MYCBP2: variants seen among roughly 807,000 people sequenced by gnomAD.
MYCBP2 encodes MYC binding protein 2.
In MYCBP2, 120 loss-of-function variants were observed where a neutral mutation model predicts 525.3. That is an observed-to-expected ratio of 0.23 (90% CI 0.20 to 0.27). The LOEUF (loss-of-function observed/expected upper bound fraction) is 0.27, where lower values mean the gene tolerates loss of function less well. Ranked by LOEUF, MYCBP2 falls within the 10% of genes least tolerant of loss-of-function variation. The probability of loss-of-function intolerance (pLI) is 1.00; values close to 1 mark genes in which losing one functional copy is unlikely to be tolerated. For missense variants in MYCBP2, 4,149 were observed against 5,657.1 expected (o/e 0.73, Z 8.55); for synonymous variants, 1,894 against 1,955.8 (o/e 0.97, Z 0.83).
In MYCBP2 at chr13:77,206,654, TA is replaced by T; in HGVS notation, c.3587del (p.Leu1196Ter). On this transcript the variant is annotated frameshift_variant and splice_region_variant, in exon 24 of 83. Transcript: ENST00000544440. LOFTEE classifies it high-confidence loss of function. ...TTRSHAALHI[L>X]GCLDTLAAMQ... Reference sequence around the variant, plus strand: ...TGGTACATCAAATCGCAACCCTACCTAAAATGTGCAAAGCTGCATGAGATCG... The same window carrying T: ...TGGTACATCAAATCGCAACCCTACCTAAATGTGCAAAGCTGCATGAGATCG... The T allele has an allele frequency of 6.3e-7, 1 of 1,576,378 alleles. No individual in the cohort carries two copies. The highest frequency in any genetic ancestry group is 8.6e-7 in the Non-Finnish European group (1 of 1,160,512).
intron 26 of MYCBP2, among the ~76,000 whole-genome samples, chr13:77,200,320 A>G (rs1394582903): frequency 6.6e-6 from 1 of 152,204 alleles, no homozygotes; most frequent in Non-Finnish European, 1.5e-5. Context: ...AATGAAGTGA[A>G]GCGAGAAGGG....
intron 1 of MYCBP2, among the ~76,000 whole-genome samples, chr13:77,311,306 C>T (rs2080173893): frequency 6.6e-6 from 1 of 152,124 alleles, no homozygotes; most frequent in African/African-American, 2.4e-5. Flanking sequence ...TTATAATAAA[C>T]CCTAGAGTTT....
intron 1 of MYCBP2, 91 bp from the exon 2 acceptor site, chr13:77,296,765 T>C: frequency 9.8e-7 from 1 of 1,015,732 alleles, no homozygotes. Context: ...AAAGTAGACA[T>C]TTGGATCTTT....
At chr13:77,251,775 C>G (rs1038826604) in intron 14 of MYCBP2, among the ~76,000 whole-genome samples, 1 of 152,202 alleles carries the variant, frequency 6.6e-6, no homozygotes, top group Non-Finnish European at 1.5e-5. Flanking sequence ...TCATAATTTA[C>G]AAACCTCCAG....
At chr13:77,313,090 T>C (rs2080470698) in intron 1 of MYCBP2, among the ~76,000 whole-genome samples, 1 of 152,094 alleles carries the variant, frequency 6.6e-6, no homozygotes, top group African/African-American at 2.4e-5. Context: ...AACAATAATA[T>C]ATTAATATGT....
In MYCBP2 at chr13:77,181,906, T is replaced by C. The variant is rs961128482; in HGVS notation, c.4736A>G (p.Asn1579Ser). The change falls in exon 33 of 83, where the codon AAC becomes AGC. Residue 1579 changes from asparagine to serine, a missense_variant. Transcript: ENST00000544440. Reference sequence around the variant, plus strand: ...GAGTCGGCTACTTGATGTCTTGAAGTTTGCTTCTTGGATATCCTTTTAAAA... The same window carrying C: ...GAGTCGGCTACTTGATGTCTTGAAGCTTGCTTCTTGGATATCCTTTTAAAA... ...NCLDQDIQEA[N>S]FKTSSSRLLA... The C allele has an allele frequency of 6.2e-7, 1 of 1,613,522 alleles. No individual in the cohort carries two copies. Among genetic ancestry groups the C allele is most frequent in the Non-Finnish European group, 8.5e-7 (1 of 1,179,916 alleles).
rs144530761 is a variant in MYCBP2 at position 77,217,000 on chromosome 13, C to T, written c.3057+840G>A. On this transcript the variant is annotated intron_variant, in intron 21 of 82. Transcript: ENST00000544440. ...GCGTGTGTGAGAAAGAGAACAGCCA[C>T]ATGTGCAATAATAAAGCAAATGCTG... is the stretch of plus-strand genomic sequence containing the variant. Among the ~76,000 whole-genome samples, 82 of 152,330 alleles carry T rather than the reference C, an allele frequency of 5.4e-4. 2 individuals carry two copies. The East Asian group carries it at 5.4e-3, about 10-fold the overall frequency.
At chr13:77,065,227 T>G (rs2040003937) in intron 72 of MYCBP2, among the ~76,000 whole-genome samples, 1 of 152,168 alleles carries the variant, frequency 6.6e-6, no homozygotes, top group African/African-American at 2.4e-5. Context: ...TAAATATTAC[T>G]CCTAAATATT....
In MYCBP2 at chr13:77,121,210, C is replaced by T. The variant is rs184699247; in HGVS notation, c.8140+163G>A. 9 of 638,860 alleles carry T rather than the reference C, an allele frequency of 1.4e-5. No homozygotes were observed. In the Admixed American group the frequency reaches 3.0e-4, roughly 21 times the overall value. 39.6% of individuals were successfully genotyped at this position (638,860 alleles called of 1,614,324 possible). On this transcript the variant is annotated intron_variant, in intron 55 of 82. Coordinates refer to ENST00000544440, the MANE Select transcript of MYCBP2 (RefSeq NM_015057.5). ...CAAAAAACAACAGCAAAAAACAATA[C>T]TATGAAAAGAACACCTTTGTAAACA...
Position 77,098,479 on chromosome 13 carries a change from A to G in MYCBP2, c.8675T>C (p.Leu2892Ser). The G allele has an allele frequency of 6.2e-7, 1 of 1,613,708 alleles. No homozygotes were observed. The highest frequency in any genetic ancestry group is 8.5e-7 in the Non-Finnish European group (1 of 1,179,804). ...TTTTGGTGACGTTGACCGTCCTCTC[A>G]AAGGTTCTGTGAGGGGCATTTTCTT... ...RKKKMPLTEP[L>S]RGRSTSPKPK... The change falls in exon 56 of 83, where the codon TTG becomes TCG. Residue 2892 changes from leucine (L) to serine (S), a missense_variant. Physicochemically the swap from Leu to Ser is moderately radical, Grantham distance 145. Around this residue, in one of 21 missense-constraint regions of MYCBP2, gnomAD observed 653 missense variants for 744.7 expected, o/e 0.88. Coordinates refer to ENST00000544440, the MANE Select transcript of MYCBP2 (RefSeq NM_015057.5).
chr13:77,173,373 A>T (rs1428893511), intron 37 of MYCBP2, among the ~76,000 whole-genome samples: 1 of 152,242 alleles, frequency 6.6e-6, no homozygotes, highest in Non-Finnish European at 1.5e-5. Flanking sequence ...AAAGAGAATA[A>T]TGTACTATTT....
intron 28 of MYCBP2, 92 bp downstream of exon 28, chr13:77,191,587 T>C: frequency 6.9e-7 from 1 of 1,446,968 alleles, no homozygotes; most frequent in Non-Finnish European, 9.4e-7. Flanking sequence ...TCCTAAGCTT[T>C]TGAATCCTGC....
chr13:77,194,308 T>C lies in MYCBP2; in HGVS notation c.3844-64A>G. The C allele has an allele frequency of 4.0e-6, 5 of 1,250,214 alleles. No individual in the cohort carries two copies. In the South Asian group the frequency reaches 4.9e-5, roughly 12 times the overall value. The allele number at this position is 1,250,214 out of a possible 1,614,324, so 77.4% of individuals were successfully genotyped here. Reference sequence around the variant, plus strand: ...CTATACATATCTGATGAACAATGTGTTCATAATTTTGTGCATGATGAATGT... The same window carrying C: ...CTATACATATCTGATGAACAATGTGCTCATAATTTTGTGCATGATGAATGT... On this transcript the variant is annotated intron_variant, in intron 26 of 82. Transcript: ENST00000544440.
intron 55 of MYCBP2, among the ~76,000 whole-genome samples, chr13:77,114,808 C>G (rs1290096999): frequency 6.6e-6 from 1 of 151,896 alleles, no homozygotes; most frequent in South Asian, 2.1e-4. Flanking sequence ...GGGAGAAAAG[C>G]AAATTGTCTT....
intron 4 of MYCBP2, among the ~76,000 whole-genome samples, chr13:77,276,838 T>C (rs1332667086): frequency 6.8e-6 from 1 of 146,756 alleles, no homozygotes; most frequent in Non-Finnish European, 1.5e-5. Context: ...TTTTTTTTTT[T>C]TGGAGAGATA....
chr13:77,082,304 C>G (rs2043439582), intron 63 of MYCBP2: 1 of 212,230 alleles, frequency 4.7e-6, no homozygotes, highest in South Asian at 1.0e-4. Flanking sequence ...AGTGGTACAC[C>G]AACTGCAACA....
intron 52 of MYCBP2, among the ~76,000 whole-genome samples, chr13:77,138,072 G>C (rs1016289057): frequency 2.0e-5 from 3 of 152,100 alleles, no homozygotes; most frequent in African/African-American, 7.2e-5. Context: ...AGACGTAATT[G>C]ATGTAATTTT....
intron 70 of MYCBP2, 40 bp from the exon 71 acceptor site, chr13:77,067,904 C>T (rs1340821143): frequency 6.5e-7 from 1 of 1,547,544 alleles, no homozygotes; most frequent in African/African-American, 1.4e-5. Flanking sequence ...CATGTAAAGA[C>T]TAATGTTTTA....
chr13:77,323,551 G>A (rs942984865), intron 1 of MYCBP2, among the ~76,000 whole-genome samples: 1 of 152,080 alleles, frequency 6.6e-6, no homozygotes, highest in African/African-American at 2.4e-5. Flanking sequence ...ACTACAAATT[G>A]CCCTATCACA....
Sources: gnomAD v4.1 joint callset for allele counts (sites outside exome capture counted in the v4.1 genomes callset) on GRCh38, gnomAD v4.1.1 for gene constraint, gnomAD v4.1.1 regional missense constraint, MANE v1.5 for transcripts, NCBI Gene and HGNC (gene_info 2026-07-23, HGNC 2026-07-21) for gene names.